Variants in NCAPG2 observed in about 807,000 individuals in gnomAD.
The protein encoded by NCAPG2 is condensin-2 complex subunit G2.
In NCAPG2, 53 loss-of-function variants were observed where a neutral mutation model predicts 141.1. That is an observed-to-expected ratio of 0.38 (90% CI 0.30 to 0.47). The LOEUF is 0.47. Ranked by LOEUF, NCAPG2 falls within the 20% of genes least tolerant of loss-of-function variation. The pLI, the probability that NCAPG2 is intolerant of heterozygous loss-of-function variation, is 0.99. For synonymous variants in NCAPG2, 499 were observed against 490.7 expected, an observed-to-expected ratio of 1.02 and a Z score of -0.22; for missense variants, 1,087 against 1,389.0, an observed-to-expected ratio of 0.78 and a Z score of 3.46.
At chr7:158,672,407 A>G (rs933244470) in intron 12 of NCAPG2, among the ~76,000 whole-genome samples, 1 of 121,978 alleles carries the variant, frequency 8.2e-6, no homozygotes, top group Non-Finnish European at 1.6e-5. Flanking sequence ...CAGGGGCACA[A>G]TCTTGGTTCA....
intron 2 of NCAPG2, among the ~76,000 whole-genome samples, chr7:158,694,041 T>C (rs111273201): frequency 6.6e-6 from 1 of 152,196 alleles, no homozygotes; most frequent in South Asian, 2.1e-4. Flanking sequence ...GGACTCCCTA[T>C]AGCCAAATTT....
In NCAPG2 at chr7:158,664,571, C is replaced by A; in HGVS notation, c.1659G>T (p.Arg553Ser). The A allele has an allele frequency of 6.2e-7, 1 of 1,614,160 alleles. No homozygotes were observed. Among genetic ancestry groups the A allele is most frequent in the South Asian group, 1.1e-5 (1 of 91,084 alleles). Residue 553 changes from arginine to serine, a missense_variant, in exon 14 of 28, where the codon AGG (arginine) becomes AGT (serine). Transcript: ENST00000356309. ...LVQMNHAAAR[R>S]FYQYAHEHTA... ...TGTGTTCGTGGGCGTACTGATAGAACCTCCTGGCAGCGGCGTGGTTCATCT... is the reference window on the plus strand; with the variant it reads ...TGTGTTCGTGGGCGTACTGATAGAAACTCCTGGCAGCGGCGTGGTTCATCT...
intron 9 of NCAPG2, among the ~76,000 whole-genome samples, chr7:158,681,074 G>T (rs1834426137): frequency 6.6e-6 from 1 of 152,146 alleles, no homozygotes; most frequent in Non-Finnish European, 1.5e-5. Context: ...AATGGTTTGG[G>T]TTCTAGTTTC....
chr7:158,680,833 G>A lies in NCAPG2; in HGVS notation c.925-17C>T, dbSNP rs377200217. On this transcript the variant is annotated splice_polypyrimidine_tract_variant and intron_variant, in intron 9 of 27. Transcript: ENST00000356309. ...ACTCAGAACCTAAGGACCAAAAAAA[G>A]GAAAAGGAAGGCATTAACAAAAAAA... is the stretch of plus-strand genomic sequence containing the variant. 2 of 1,519,304 alleles carry A rather than the reference G, an allele frequency of 1.3e-6. No individual in the cohort carries two copies. The highest frequency in any genetic ancestry group is 2.3e-5 in the East Asian group (1 of 44,052). 94.1% of individuals were successfully genotyped at this position (1,519,304 alleles called of 1,614,324 possible).
In NCAPG2 at chr7:158,667,403, C is replaced by T. The variant is rs1341748481; in HGVS notation, c.1480-2653G>A. 2.1e-4 allele frequency among the ~76,000 whole-genome samples: 13 copies of T among 61,320 alleles called. 2 individuals carry two copies. Among genetic ancestry groups the T allele is most frequent in the Middle Eastern group, 9.6e-3 (1 of 104 alleles). The allele number at this position is 61,320 out of a possible 152,430, so 40.2% of individuals were successfully genotyped here. A position where few individuals can be genotyped will look rare whatever the true frequency, so the allele number is the denominator to read the frequency against. On this transcript the variant is annotated intron_variant, in intron 13 of 27. Coordinates refer to ENST00000356309, the MANE Select transcript of NCAPG2 (RefSeq NM_017760.7). ...CCTTACCCACTACTGGGTCCCTCCG[C>T]CCTCCTTACCCACTACTGGGTCCCT... is the stretch of plus-strand genomic sequence containing the variant.
chr7:158,696,693 G>A (rs984605017), intron 2 of NCAPG2: 6 of 152,178 alleles, frequency 3.9e-5, no homozygotes, highest in Non-Finnish European at 7.4e-5. Context: ...ATTTCAACAG[G>A]AAAGAAATTA....
At chr7:158,695,108 T>C (rs539026424) in intron 2 of NCAPG2, among the ~76,000 whole-genome samples, 32 of 152,292 alleles carry the variant, frequency 2.1e-4, no homozygotes, top group African/African-American at 6.7e-4. Flanking sequence ...AATGGACAGT[T>C]TTGGTGCTGG....
intron 27 of NCAPG2, chr7:158,641,435 G>A: frequency 3.4e-6 from 2 of 580,612 alleles, no homozygotes; most frequent in Non-Finnish European, 6.1e-6. Context: ...AATTACATTA[G>A]CTGGGTCTGG....
Position 158,658,362 on chromosome 7 carries a change from G to A in NCAPG2, c.2036C>T (p.Pro679Leu), listed in dbSNP as rs1437873758. ...CCTGAATGGGGGGACAGCAGAGGCC[G>A]GCATAAAGGACATTAGCATGAATAA... Reference protein sequence around the residue: ...IPLFMLMSFMPASAVPPFSCG... With the variant: ...IPLFMLMSFMLASAVPPFSCG... Residue 679 changes from proline to leucine, a missense_variant, in exon 17 of 28, where the codon CCG becomes CTG. Physicochemically the swap from Pro to Leu is moderately conservative, Grantham distance 98. Transcript: ENST00000356309. 5 of 1,611,386 alleles carry A rather than the reference G, an allele frequency of 3.1e-6. No homozygotes were observed. The highest frequency in any genetic ancestry group is 4.5e-5 in the East Asian group (2 of 44,850).
rs1473057549 is a variant in NCAPG2 at position 158,686,031 on chromosome 7, C to T, written c.837+141G>A. On this transcript the variant is annotated intron_variant, in intron 8 of 27. Coordinates refer to ENST00000356309, the MANE Select transcript of NCAPG2 (RefSeq NM_017760.7). ...CACATCTTAGCAAGTGACTGGATTGCCCATCAAATAGATTTTCATTATTTG... is the reference window on the plus strand; with the variant it reads ...CACATCTTAGCAAGTGACTGGATTGTCCATCAAATAGATTTTCATTATTTG... 4 of 523,056 alleles carry T rather than the reference C, an allele frequency of 7.6e-6. No individual in the cohort carries two copies. In the East Asian group the frequency reaches 1.1e-4, roughly 14 times the overall value. The allele number at this position is 523,056 out of a possible 1,614,324, so 32.4% of individuals were successfully genotyped here. A position where few individuals can be genotyped will look rare whatever the true frequency, so the allele number is the denominator to read the frequency against.
chr7:158,640,727 A>C (rs1830584468), intron 27 of NCAPG2: 1 of 152,176 alleles, frequency 6.6e-6, no homozygotes, highest in Non-Finnish European at 1.5e-5. Context: ...TCTGGAGGGA[A>C]GGAAAAGAAT....
intron 27 of NCAPG2, among the ~76,000 whole-genome samples, chr7:158,634,630 T>C (rs545401235): frequency 6.6e-6 from 1 of 152,266 alleles, no homozygotes; most frequent in East Asian, 1.9e-4. Flanking sequence ...CTCTTTATCG[T>C]TATCCTGTAA....
rs374311366 is a variant in NCAPG2 at position 158,664,345 on chromosome 7, A to G, written c.1703-49T>C. On this transcript the variant is annotated intron_variant, in intron 14 of 27. Coordinates refer to ENST00000356309, the MANE Select transcript of NCAPG2 (RefSeq NM_017760.7). ...AATTAATGGATGTGTTTCTTCTACA[A>G]AATTAACTATCTGATAGTGAAATTA... 266 of 1,553,942 alleles carry G rather than the reference A, an allele frequency of 1.7e-4. 1 individual carries two copies. The South Asian group carries it at 2.7e-3, about 15-fold the overall frequency.
At chr7:158,635,323 C>T (rs372257442) in intron 27 of NCAPG2, among the ~76,000 whole-genome samples, 1 of 152,004 alleles carries the variant, frequency 6.6e-6, no homozygotes, top group South Asian at 2.1e-4. Context: ...TTTATCAATA[C>T]CTGATAACAA....
intron 21 of NCAPG2, 107 bp downstream of exon 21, chr7:158,655,011 A>C (rs1419435579): frequency 1.5e-6 from 2 of 1,372,860 alleles, no homozygotes; most frequent in East Asian, 2.3e-5. Flanking sequence ...GTAAGTTTTT[A>C]AGAATAACAC....
intron 1 of NCAPG2, among the ~76,000 whole-genome samples, chr7:158,704,189 T>C (rs1302783142): frequency 0.019 from 699 of 37,222 alleles, no homozygotes; most frequent in Middle Eastern, 0.068. Context: ...GTGCCCATGC[T>C]CAGGACTGAG....
rs775876823 is a variant in NCAPG2 at position 158,690,642 on chromosome 7, C to T, written c.463G>A (p.Gly155Ser). The T allele has an allele frequency of 9.9e-6, 16 of 1,614,158 alleles. No homozygotes were observed. In the Admixed American group the frequency reaches 2.5e-4, roughly 25 times the overall value. Reference sequence around the variant, plus strand: ...CCTGTGTCTTCCTTGGCAGGCAGGCCTTTCTCCCACCAGGTAACACACAAA... The same window carrying T: ...CCTGTGTCTTCCTTGGCAGGCAGGCTTTTCTCCCACCAGGTAACACACAAA... ...QDLCVTWWEK[G>S]LPAKEDTGKT... is the part of the protein sequence containing the mutation. The change falls in exon 5 of 28, where the codon GGC becomes AGC. Residue 155 changes from glycine to serine, a missense_variant. Transcript: ENST00000356309.
Position 158,671,527 on chromosome 7 carries a change from A to G in NCAPG2, c.1466T>C (p.Val489Ala). 1 of 1,614,200 alleles carries G rather than the reference A, an allele frequency of 6.2e-7. No individual in the cohort carries two copies. Among genetic ancestry groups the G allele is most frequent in the Non-Finnish European group, 8.5e-7 (1 of 1,180,030 alleles). ...FVDMLLKIKA[V>A]RAAKFWKICP... ...TATTCATCCTACCTTAGCAGCCCTCACAGCTTTGATCTTCAACAGCATGTC... is the reference window on the plus strand; with the variant it reads ...TATTCATCCTACCTTAGCAGCCCTCGCAGCTTTGATCTTCAACAGCATGTC... Residue 489 changes from valine to alanine, a missense_variant, in exon 13 of 28, where the codon GTG (valine) becomes GCG (alanine). Val to Ala is a moderately conservative substitution (Grantham distance 64). Coordinates refer to ENST00000356309, the MANE Select transcript of NCAPG2 (RefSeq NM_017760.7).
At chr7:158,648,572 TG>T (rs899609319) in intron 24 of NCAPG2, among the ~76,000 whole-genome samples, 2 of 115,906 alleles carry the variant, frequency 1.7e-5, no homozygotes, top group African/African-American at 6.6e-5. Flanking sequence ...CCACGCCAAA[TG>T]GACGACAACC....
Sources: gnomAD v4.1 joint callset for allele counts (sites outside exome capture counted in the v4.1 genomes callset) on GRCh38, gnomAD v4.1.1 for gene constraint, MANE v1.5 for transcripts, NCBI Gene and HGNC (gene_info 2026-07-23, HGNC 2026-07-21) for gene names.